Variants in PCDHGB3 observed in about 807,000 individuals in gnomAD.
The protein encoded by PCDHGB3 is protocadherin gamma subfamily B, 3, also known as protocadherin gamma-B3.
In PCDHGB3, 40 loss-of-function variants were observed where a neutral mutation model predicts 59.2. The ratio of observed to expected loss-of-function variants is 0.68; its 90% confidence interval spans 0.52 to 0.88. PCDHGB3 has a LOEUF of 0.88. Among genes scored for constraint, PCDHGB3 ranks in the 40% least tolerant of loss-of-function variants. PCDHGB3 has a pLI of 0.00. For synonymous variants in PCDHGB3, 581 were observed against 503.6 expected (o/e 1.15, Z -2.06); for missense variants, 1,309 against 1,187.9 (o/e 1.10, Z -1.50).
In PCDHGB3 at chr5:141,511,360, T is replaced by C; in HGVS notation, c.*187T>C. The C allele has an allele frequency of 7.5e-7, 1 of 1,333,050 alleles. No individual in the cohort carries two copies. Among genetic ancestry groups the C allele is most frequent in the Non-Finnish European group, 1.0e-6 (1 of 994,882 alleles). 82.6% of individuals were successfully genotyped at this position (1,333,050 alleles called of 1,614,324 possible). On this transcript the variant is annotated 3_prime_UTR_variant, in exon 4 of 4. Transcript: ENST00000576222. ...ACCTACCCCTTCCCCCCCAGGGGGT[T>C]GAATATGCAAAAGCAGTTCCGCTGG...
At chr5:141,458,319 T>C (rs2879229) in intron 1 of PCDHGB3, among the ~76,000 whole-genome samples, 84,591 of 151,864 alleles carry the variant, frequency 0.56, 26,265 homozygotes, top group African/African-American at 0.85. Flanking sequence ...CACAGACACA[T>C]GTGGAGTGGT....
chr5:141,390,332 A>T, intron 1 of PCDHGB3: 1 of 1,600,116 alleles, frequency 6.2e-7, no homozygotes, highest in Non-Finnish European at 8.5e-7. Flanking sequence ...CCATTTCTCC[A>T]TATTCACAAG....
At chr5:141,437,042 A>G (rs1355358776) in intron 1 of PCDHGB3, among the ~76,000 whole-genome samples, 1 of 152,264 alleles carries the variant, frequency 6.6e-6, no homozygotes, top group Non-Finnish European at 1.5e-5. Context: ...CACCGAAACC[A>G]GAAGGCTGGT....
chr5:141,486,345 A>C lies in PCDHGB3; in HGVS notation c.2416-8462A>C. On this transcript the variant is annotated intron_variant, in intron 1 of 3. Coordinates refer to ENST00000576222, the MANE Select transcript of PCDHGB3 (RefSeq NM_018924.5). This position sits in a 1 kb window ranked among gnomAD's most constrained non-coding sequence, Gnocchi z 5.0. Reference sequence around the variant, plus strand: ...GGAGATGTGAGCCTCCGCATTCCTGACCACTTGCCATTTGCCCTCAAGTCT... The same window carrying C: ...GGAGATGTGAGCCTCCGCATTCCTGCCCACTTGCCATTTGCCCTCAAGTCT... The C allele has an allele frequency of 6.2e-7, 1 of 1,613,940 alleles. No homozygotes were observed. The highest frequency in any genetic ancestry group is 8.5e-7 in the Non-Finnish European group (1 of 1,179,986).
chr5:141,389,993 G>GCTCT (rs1379154076), intron 1 of PCDHGB3: 4 of 1,614,016 alleles, frequency 2.5e-6, no homozygotes, highest in Non-Finnish European at 2.5e-6. Flanking sequence ...TCTTCCTCGT[G>GCTCT]GCCATGATTC....
chr5:141,460,795 G>GTA (rs2154567069), intron 1 of PCDHGB3, among the ~76,000 whole-genome samples: 1 of 151,608 alleles, frequency 6.6e-6, no homozygotes, highest in East Asian at 1.9e-4. Flanking sequence ...TACACACAAA[G>GTA]TATATATATG....
At chr5:141,415,437 G>A in intron 1 of PCDHGB3, 1 of 1,614,200 alleles carries the variant, frequency 6.2e-7, no homozygotes, top group Non-Finnish European at 8.5e-7. Flanking sequence ...GGGCTTTCCT[G>A]CAGACCTATT....
At chr5:141,379,527 T>C (rs1182908156) in intron 1 of PCDHGB3, 1 of 152,228 alleles carries the variant, frequency 6.6e-6, no homozygotes, top group African/African-American at 2.4e-5. Context: ...GAGCATTTGT[T>C]GTTATAGGGA....
chr5:141,394,228 T>C lies in PCDHGB3; in HGVS notation c.2415+21419T>C, dbSNP rs1236057008. On this transcript the variant is annotated intron_variant, in intron 1 of 3. Transcript: ENST00000576222. ...AACAACCTGAGAGGAGCCTCCATCT[T>C]TTCCTTGACTGCACACGACCCCGAC... is the stretch of plus-strand genomic sequence containing the variant. 3.7e-6 allele frequency: 6 copies of C among 1,613,886 alleles called. No individual in the cohort carries two copies. The South Asian group carries it at 4.4e-5, about 12-fold the overall frequency.
chr5:141,458,933 A>G (rs920768063), intron 1 of PCDHGB3, among the ~76,000 whole-genome samples: 3 of 151,912 alleles, frequency 2.0e-5, no homozygotes, highest in Admixed American at 6.6e-5. Flanking sequence ...GGGTCTCACT[A>G]TGTTGCTTAG....
intron 1 of PCDHGB3, among the ~76,000 whole-genome samples, chr5:141,443,210 G>A (rs142248407): frequency 3.2e-4 from 49 of 151,888 alleles, no homozygotes; most frequent in African/African-American, 9.4e-4. Context: ...AGCTTGTCTC[G>A]CCAGGCGCAT....
At chr5:141,453,071 C>G (rs561248978) in intron 1 of PCDHGB3, among the ~76,000 whole-genome samples, 13 of 152,150 alleles carry the variant, frequency 8.5e-5, no homozygotes, top group South Asian at 2.1e-4. Flanking sequence ...TTTTGCCACA[C>G]TCTGGTTGAT....
Position 141,431,500 on chromosome 5 carries a change from C to T in PCDHGB3, c.2415+58691C>T, listed in dbSNP as rs903027252. On this transcript the variant is annotated intron_variant, in intron 1 of 3. Transcript: ENST00000576222. This position sits in a 1 kb window ranked among gnomAD's most constrained non-coding sequence, Gnocchi z 4.8. ...CACCAGCGTTTGCTCAGCCCGAGTACCGCGCGAGCGTTCCGGAGAATCTGG... is the reference window on the plus strand; with the variant it reads ...CACCAGCGTTTGCTCAGCCCGAGTATCGCGCGAGCGTTCCGGAGAATCTGG... The T allele has an allele frequency of 4.4e-5, 71 of 1,613,894 alleles. No individual in the cohort carries two copies. The highest frequency in any genetic ancestry group is 5.9e-5 in the Non-Finnish European group (70 of 1,180,050).
Position 141,491,648 on chromosome 5 carries a change from T to A in PCDHGB3, c.2416-3159T>A. 6.2e-7 allele frequency: 1 copy of A among 1,613,834 alleles called. No individual in the cohort carries two copies. Among genetic ancestry groups the A allele is most frequent in the Non-Finnish European group, 8.5e-7 (1 of 1,180,002 alleles). ...GTTCAGCAGCCCACAGCTCTGGCGC[T>A]GGAGCCTGACGCCATCCGGTCCCGC... On this transcript the variant is annotated intron_variant, in intron 1 of 3. Transcript: ENST00000576222. This position sits in a 1 kb window ranked among gnomAD's most constrained non-coding sequence, Gnocchi z 6.9.
At chr5:141,423,470 A>G in intron 1 of PCDHGB3, 1 of 1,614,002 alleles carries the variant, frequency 6.2e-7, no homozygotes, top group Non-Finnish European at 8.5e-7. Context: ...GACGGGGTAC[A>G]GGCTTTCCTG....
chr5:141,508,026 T>A (rs972124070), intron 3 of PCDHGB3: 3 of 152,314 alleles, frequency 2.0e-5, no homozygotes, highest in African/African-American at 7.2e-5. Context: ...GGCTGCGGTT[T>A]GCAGCTCAGC....
chr5:141,419,103 C>A, intron 1 of PCDHGB3: 1 of 1,613,886 alleles, frequency 6.2e-7, no homozygotes, highest in South Asian at 1.1e-5. Flanking sequence ...CGGGAGCAGA[C>A]CCCAGAGTAC....
At chr5:141,388,405 C>A in intron 1 of PCDHGB3, 1 of 1,613,892 alleles carries the variant, frequency 6.2e-7, no homozygotes, top group Non-Finnish European at 8.5e-7. Context: ...CAACTCAGTC[C>A]CAGTGATCAT....
At chr5:141,450,445 T>C (rs1490338949) in intron 1 of PCDHGB3, among the ~76,000 whole-genome samples, 1 of 152,168 alleles carries the variant, frequency 6.6e-6, no homozygotes, top group East Asian at 1.9e-4. Context: ...ATTTGTTTTA[T>C]GTTTCCTCGT....
Sources: gnomAD v4.1 joint callset for allele counts (sites outside exome capture counted in the v4.1 genomes callset) on GRCh38, gnomAD v4.1.1 for gene constraint, Gnocchi (gnomAD v3.1) non-coding constraint, MANE v1.5 for transcripts, NCBI Gene and HGNC (gene_info 2026-07-23, HGNC 2026-07-21) for gene names.